Variants in NEK10 observed in about 807,000 individuals in gnomAD.
NEK10 encodes NIMA related kinase 10, also known as serine/threonine-protein kinase Nek10.
NEK10 carries 122 observed loss-of-function variants against 159.8 expected under a neutral mutation model. The observed-to-expected ratio is 0.76, with a 90% CI of 0.66 to 0.89. The LOEUF is 0.89. Ranked by LOEUF, NEK10 falls within the 40% of genes least tolerant of loss-of-function variation. NEK10 has a pLI of 0.00. For missense variants in NEK10, 1,342 were observed against 1,323.1 expected, an observed-to-expected ratio of 1.01 and a Z score of -0.22; for synonymous variants, 466 against 457.1, an observed-to-expected ratio of 1.02 and a Z score of -0.25.
intron 15 of NEK10, among the ~76,000 whole-genome samples, chr3:27,294,775 A>G (rs948005407): frequency 6.6e-6 from 1 of 152,180 alleles, no homozygotes; most frequent in Non-Finnish European, 1.5e-5. Flanking sequence ...CTTGGGGGAA[A>G]AAAAAAGATG....
chr3:27,138,433 G>A (rs942815286), intron 31 of NEK10, among the ~76,000 whole-genome samples: 2 of 152,178 alleles, frequency 1.3e-5, no homozygotes, highest in Admixed American at 6.5e-5. Context: ...CTTCGACCTA[G>A]TGTGGGAGTG....
At chr3:27,346,830 T>A (rs1487495331) in intron 3 of NEK10, among the ~76,000 whole-genome samples, 3 of 152,244 alleles carry the variant, frequency 2.0e-5, no homozygotes, top group Admixed American at 2.0e-4. Context: ...ATCATATTTA[T>A]AAAAGACATT....
intron 23 of NEK10, among the ~76,000 whole-genome samples, chr3:27,251,118 T>C (rs748678103): frequency 3.9e-5 from 6 of 151,996 alleles, no homozygotes; most frequent in South Asian, 2.1e-4. Context: ...ATGGGCACTA[T>C]TATTATCATC....
chr3:27,259,301 T>C (rs1476573446), intron 22 of NEK10, among the ~76,000 whole-genome samples: 2 of 152,240 alleles, frequency 1.3e-5, no homozygotes, highest in African/African-American at 4.8e-5. Flanking sequence ...CCCATGCCTA[T>C]GTCCTGAATG....
chr3:27,290,509 C>A lies in NEK10; in HGVS notation c.1743+108G>T, dbSNP rs1432837445. ...ATCACTGCTTCAGTGTCAATTATTTCACATGGAACTAGTTCATAAGCAGCA... is the reference window on the plus strand; with the variant it reads ...ATCACTGCTTCAGTGTCAATTATTTAACATGGAACTAGTTCATAAGCAGCA... On this transcript the variant is annotated intron_variant, in intron 19 of 35. Transcript: ENST00000691995. 2.1e-5 allele frequency: 16 copies of A among 778,124 alleles called. No individual in the cohort carries two copies. The East Asian group carries it at 4.3e-4, about 21-fold the overall frequency. The allele number at this position is 778,124 out of a possible 1,614,324, so 48.2% of individuals were successfully genotyped here.
intron 29 of NEK10, among the ~76,000 whole-genome samples, chr3:27,166,817 G>C (rs1351737185): frequency 6.6e-6 from 1 of 152,070 alleles, no homozygotes; most frequent in African/African-American, 2.4e-5. Context: ...AAAATTAGCT[G>C]GGTGTGGTGG....
intron 1 of NEK10, among the ~76,000 whole-genome samples, chr3:27,365,429 T>A (rs759155061): frequency 2.0e-4 from 30 of 152,170 alleles, no homozygotes; most frequent in Non-Finnish European, 3.7e-4. Context: ...AGCTTTGAAT[T>A]GATGCCAACT....
intron 16 of NEK10, among the ~76,000 whole-genome samples, chr3:27,292,754 GA>G (rs1252173317): frequency 7.3e-6 from 1 of 136,678 alleles, no homozygotes; most frequent in East Asian, 2.1e-4. Flanking sequence ...GAAGCAACAG[GA>G]TGAGCCTTTG....
Position 27,356,475 on chromosome 3 carries a change from G to A in NEK10, c.-37-3556C>T, listed in dbSNP as rs113004607. ...CAGTGAGCCCTCATGGTGTTACTGC[G>A]TTCCAGCCTGAGCAACGGCACAAGA... On this transcript the variant is annotated intron_variant, in intron 1 of 35. Transcript: ENST00000691995. 2.9e-3 allele frequency among the ~76,000 whole-genome samples: 448 copies of A among 152,214 alleles called. 3 individuals carry two copies. Among genetic ancestry groups the A allele is most frequent in the African/African-American group, 9.6e-3 (399 of 41,540 alleles).
At chr3:27,274,650 T>C (rs1373491663) in intron 22 of NEK10, among the ~76,000 whole-genome samples, 2 of 151,484 alleles carry the variant, frequency 1.3e-5, no homozygotes, top group Non-Finnish European at 2.9e-5. Context: ...CATGCAGGCA[T>C]ACACACACAC....
chr3:27,173,920 TTTTAAA>T (rs560666911), intron 28 of NEK10, among the ~76,000 whole-genome samples: 1 of 152,160 alleles, frequency 6.6e-6, no homozygotes, highest in Non-Finnish European at 1.5e-5. Flanking sequence ...TTCTTTACTG[TTTTAAA>T]TTAAGAGTCA....
intron 5 of NEK10, among the ~76,000 whole-genome samples, chr3:27,337,027 T>TG (rs148668607): frequency 0.027 from 4,039 of 147,584 alleles, 70 homozygotes; most frequent in South Asian, 0.043. Flanking sequence ...CATACACATT[T>TG]GGCGGGGGGG....
At chr3:27,129,529 G>A (rs996777878) in intron 32 of NEK10, among the ~76,000 whole-genome samples, 4 of 152,096 alleles carry the variant, frequency 2.6e-5, no homozygotes, top group African/African-American at 7.2e-5. Context: ...CAGAAAAGGG[G>A]TAAAAATGGA....
intron 11 of NEK10, among the ~76,000 whole-genome samples, chr3:27,306,408 T>C (rs1441008844): frequency 6.6e-6 from 1 of 152,210 alleles, no homozygotes; most frequent in Admixed American, 6.5e-5. Flanking sequence ...TTTTGTGCTC[T>C]GACATTAATA....
At chr3:27,338,079 T>C (rs1575814093) in intron 5 of NEK10, among the ~76,000 whole-genome samples, 1 of 152,262 alleles carries the variant, frequency 6.6e-6, no homozygotes, top group Admixed American at 6.5e-5. Context: ...TTTCTCCTAA[T>C]GCTATCCCTC....
At chr3:27,172,718 A>G (rs1947123819) in intron 28 of NEK10, among the ~76,000 whole-genome samples, 1 of 152,174 alleles carries the variant, frequency 6.6e-6, no homozygotes. Context: ...CATATATCAA[A>G]ATATCACAAG....
intron 5 of NEK10, among the ~76,000 whole-genome samples, chr3:27,335,205 T>G (rs1470055729): frequency 6.6e-6 from 1 of 151,946 alleles, no homozygotes. Flanking sequence ...CTAGGCTTGG[T>G]GGCAGGCACC....
intron 6 of NEK10, among the ~76,000 whole-genome samples, chr3:27,317,801 A>ATTAT (rs1228801067): frequency 8.6e-5 from 13 of 151,630 alleles, no homozygotes; most frequent in African/African-American, 2.7e-4. Context: ...TTATTTATTT[A>ATTAT]TTATTTATTT....
intron 30 of NEK10, among the ~76,000 whole-genome samples, chr3:27,154,860 T>C (rs1197538386): frequency 6.6e-6 from 1 of 152,132 alleles, no homozygotes; most frequent in Non-Finnish European, 1.5e-5. Context: ...GGGGAAAAGT[T>C]GAAAGCATTC....
Sources: gnomAD v4.1 joint callset for allele counts (sites outside exome capture counted in the v4.1 genomes callset) on GRCh38, gnomAD v4.1.1 for gene constraint, MANE v1.5 for transcripts, NCBI Gene and HGNC (gene_info 2026-07-23, HGNC 2026-07-21) for gene names.